The following DLGAP2 variants were observed in gnomAD, a reference collection of about 807,000 sequenced individuals.
DLGAP2 encodes DLG associated protein 2, also known as disks large-associated protein 2.
In DLGAP2, 26 loss-of-function variants were observed where a neutral mutation model predicts 100.3. The ratio of observed to expected loss-of-function variants is 0.26; its 90% CI spans 0.19 to 0.36. The LOEUF (loss-of-function observed/expected upper bound fraction) is 0.36, where lower values mean the gene tolerates loss of function less well. Among genes scored for constraint, DLGAP2 ranks in the 10% least tolerant of loss-of-function variants. The pLI is 1.00. For synonymous variants in DLGAP2, 886 were observed against 630.1 expected (o/e 1.41, Z -6.08); for missense variants, 1,858 against 1,453.2 (o/e 1.28, Z -4.53).
chr8:872,241 G>A (rs1797612293), intron 1 of DLGAP2, among the ~76,000 whole-genome samples: 1 of 151,182 alleles, frequency 6.6e-6, no homozygotes, highest in African/African-American at 2.4e-5. Flanking sequence ...TTCAAAGCCA[G>A]AACTATTAGG....
intron 2 of DLGAP2, among the ~76,000 whole-genome samples, chr8:1,254,436 G>A (rs1198055779): frequency 6.6e-6 from 1 of 152,104 alleles, no homozygotes; most frequent in East Asian, 1.9e-4. Flanking sequence ...ATTTAGGAAC[G>A]TCTTGATTAA....
chr8:1,333,757 A>G (rs11782134), intron 3 of DLGAP2, among the ~76,000 whole-genome samples: 1,764 of 152,294 alleles, frequency 0.012, 14 homozygotes, highest in Admixed American at 0.018. Context: ...CTCATACCCA[A>G]TTTTAATGGG....
rs1039721359 is a variant in DLGAP2, at chr8:1,295,773, A to C, written c.106+36890A>C. On this transcript the variant is annotated intron_variant, in intron 3 of 14. Coordinates refer to ENST00000637795, the MANE Select transcript of DLGAP2 (RefSeq NM_001346810.2). ...GCAGGGGAGCTGTGGGGTGTGTCCC[A>C]GCCATCGTCCCCTCGTGACAGGGAA... Among the ~76,000 whole-genome samples, 7 of 152,224 alleles carry C rather than the reference A, an allele frequency of 4.6e-5. No homozygotes were observed. In the South Asian group the frequency reaches 1.4e-3, roughly 32 times the overall value.
intron 2 of DLGAP2, among the ~76,000 whole-genome samples, chr8:909,790 T>C (rs1041010247): frequency 1.3e-5 from 2 of 152,230 alleles, no homozygotes; most frequent in Non-Finnish European, 2.9e-5. Context: ...TGTAAGTCCA[T>C]GCAGAATGGA....
chr8:1,683,856 A>ATGTGTGTG (rs10583520), intron 12 of DLGAP2, among the ~76,000 whole-genome samples: 1 of 62,226 alleles, frequency 1.6e-5, no homozygotes, highest in African/African-American at 8.4e-5. Flanking sequence ...ATATATATAT[A>ATGTGTGTG]TGTGTGTGTG....
chr8:1,161,715 G>A (rs1163103019), intron 2 of DLGAP2, among the ~76,000 whole-genome samples: 6 of 152,310 alleles, frequency 3.9e-5, no homozygotes, highest in South Asian at 4.1e-4. Context: ...CTCAGGGCAC[G>A]TATGGTCCAG....
At chr8:1,628,499 T>C (rs886674036) in intron 7 of DLGAP2, among the ~76,000 whole-genome samples, 1 of 144,262 alleles carries the variant, frequency 6.9e-6, no homozygotes, top group African/African-American at 2.6e-5. Context: ...TCTGACTTAC[T>C]GTGGAGCAGG....
chr8:1,186,687 G>A (rs1797512038), intron 2 of DLGAP2, among the ~76,000 whole-genome samples: 1 of 152,124 alleles, frequency 6.6e-6, no homozygotes, highest in African/African-American at 2.4e-5. Context: ...GTTGGGACTG[G>A]GGGGCCTTTC....
intron 8 of DLGAP2, among the ~76,000 whole-genome samples, chr8:1,667,843 C>G (rs1798583869): frequency 2.0e-5 from 3 of 152,200 alleles, no homozygotes; most frequent in African/African-American, 7.2e-5. Context: ...CGGGGACACA[C>G]CTTGCCTAGC....
At chr8:1,438,706 A>G (rs1797730496) in intron 3 of DLGAP2, among the ~76,000 whole-genome samples, 2 of 152,234 alleles carry the variant, frequency 1.3e-5, no homozygotes, top group African/African-American at 4.8e-5. Flanking sequence ...TACACACTTC[A>G]TCAGAAAATC....
intron 2 of DLGAP2, among the ~76,000 whole-genome samples, chr8:1,189,071 G>A (rs983234720): frequency 1.3e-5 from 2 of 149,516 alleles, no homozygotes; most frequent in Middle Eastern, 3.4e-3. Context: ...ACAGGGTTCG[G>A]GCCCCAGGCC....
chr8:1,180,720 GC>G (rs1324329527), intron 2 of DLGAP2, among the ~76,000 whole-genome samples: 2 of 151,570 alleles, frequency 1.3e-5, no homozygotes, highest in African/African-American at 4.9e-5. Context: ...GTGTGCAAGG[GC>G]AGCACACTTA....
intron 2 of DLGAP2, among the ~76,000 whole-genome samples, chr8:1,231,219 C>CA (rs899781988): frequency 3.3e-5 from 5 of 152,068 alleles, no homozygotes; most frequent in Admixed American, 6.5e-5. Context: ...TACATGTAGT[C>CA]AAAAAACCCA....
At chr8:983,064 G>C (rs1004539932) in intron 2 of DLGAP2, among the ~76,000 whole-genome samples, 1 of 152,142 alleles carries the variant, frequency 6.6e-6, no homozygotes, top group African/African-American at 2.4e-5. Flanking sequence ...TTTCCTGCGG[G>C]ATAGGATCAG....
intron 6 of DLGAP2, among the ~76,000 whole-genome samples, chr8:1,605,713 C>G (rs1362228756): frequency 6.6e-6 from 1 of 152,176 alleles, no homozygotes; most frequent in Non-Finnish European, 1.5e-5. Flanking sequence ...GCTAACTGTC[C>G]GAGCCCACAG....
chr8:1,604,406 A>G lies in DLGAP2; in HGVS notation c.1443-22334A>G, dbSNP rs555223262. 9 of 152,320 alleles carry G rather than the reference A, an allele frequency of 5.9e-5. No homozygotes were observed. The East Asian group carries it at 1.5e-3, about 26-fold the overall frequency. 9.4% of individuals were successfully genotyped at this position (152,320 alleles called of 1,614,324 possible). On this transcript the variant is annotated intron_variant, in intron 6 of 14. Coordinates refer to ENST00000637795, the MANE Select transcript of DLGAP2 (RefSeq NM_001346810.2). Reference sequence around the variant, plus strand: ...CCATCCAAATAGATCCATGTTTCTCAAAGTGTGGTCTGGCCCATAGACCAC... The same window carrying G: ...CCATCCAAATAGATCCATGTTTCTCGAAGTGTGGTCTGGCCCATAGACCAC...
chr8:982,350 A>C (rs1800361316), intron 2 of DLGAP2, among the ~76,000 whole-genome samples: 1 of 152,084 alleles, frequency 6.6e-6, no homozygotes, highest in African/African-American at 2.4e-5. Flanking sequence ...TTTCAACTAG[A>C]CTCAAGAGCT....
intron 3 of DLGAP2, among the ~76,000 whole-genome samples, chr8:1,484,507 C>G (rs892860472): frequency 6.6e-6 from 1 of 152,240 alleles, no homozygotes; most frequent in East Asian, 1.9e-4. Context: ...CCTCCATGGT[C>G]TGTGATGTTT....
chr8:787,729 C>A (rs539854602), intron 1 of DLGAP2, among the ~76,000 whole-genome samples: 2 of 152,224 alleles, frequency 1.3e-5, no homozygotes, highest in Admixed American at 6.5e-5. Flanking sequence ...CTGTCTCAGC[C>A]TACATCGGAA....
Sources: gnomAD v4.1 joint callset for allele counts (sites outside exome capture counted in the v4.1 genomes callset) on GRCh38, gnomAD v4.1.1 for gene constraint, MANE v1.5 for transcripts, NCBI Gene and HGNC (gene_info 2026-07-23, HGNC 2026-07-21) for gene names.